CUX1: variants seen among roughly 807,000 people sequenced by gnomAD.
CUX1 encodes cut like homeobox 1, also known as protein CASP.
In CUX1, 31 loss-of-function variants were observed where a neutral mutation model predicts 158.8. That is an observed-to-expected ratio of 0.20 (90% CI 0.15 to 0.26). The LOEUF (loss-of-function observed/expected upper bound fraction) is 0.26, where lower values mean the gene tolerates loss of function less well. Ranked by LOEUF, CUX1 falls within the 10% of genes least tolerant of loss-of-function variation. CUX1 has a pLI of 1.00. For missense variants in CUX1, 1,589 were observed against 2,014.6 expected (o/e 0.79, Z 4.04); for synonymous variants, 879 against 862.1 (o/e 1.02, Z -0.34).
intron 3 of CUX1, among the ~76,000 whole-genome samples, chr7:102,063,582 G>A (rs1207139529): frequency 1.3e-5 from 2 of 151,832 alleles, no homozygotes; most frequent in South Asian, 2.1e-4. Flanking sequence ...CAAGAGAGAC[G>A]AGGTTTCACC....
At chr7:101,826,400 C>T (rs1040068095) in intron 1 of CUX1, among the ~76,000 whole-genome samples, 3 of 151,908 alleles carry the variant, frequency 2.0e-5, no homozygotes, top group African/African-American at 4.8e-5. Context: ...CAGGGTTTTG[C>T]CCTGTTCCCC....
At chr7:101,913,509 GC>G in intron 1 of CUX1, 1 of 859,584 alleles carries the variant, frequency 1.2e-6, no homozygotes, top group Non-Finnish European at 1.5e-6. Flanking sequence ...TGACAGATCA[GC>G]CCAGGGAGGG....
intron 2 of CUX1, among the ~76,000 whole-genome samples, chr7:101,952,964 C>T (rs1585077849): frequency 6.6e-6 from 1 of 152,212 alleles, no homozygotes; most frequent in Admixed American, 6.5e-5. Flanking sequence ...GAAATAGACA[C>T]CTCCGAAATG....
chr7:102,203,754 T>C (rs782285524), intron 18 of CUX1, among the ~76,000 whole-genome samples: 1 of 152,054 alleles, frequency 6.6e-6, no homozygotes, highest in Non-Finnish European at 1.5e-5. Context: ...CCTATACATA[T>C]GTATGGCCAT....
In CUX1 at chr7:102,077,037, A is replaced by T. The variant is rs568947546; in HGVS notation, c.268+6620A>T. On this transcript the variant is annotated intron_variant, in intron 4 of 23. Transcript: ENST00000292535. ...TGACAGAGTGGGACCCTGTCAAATT[A>T]AAAAAAAAAAAAAATTAGAAAAAAG... 4.3e-4 allele frequency among the ~76,000 whole-genome samples: 45 copies of T among 104,936 alleles called. 1 individual carries two copies. In the South Asian group the frequency reaches 0.012, roughly 28 times the overall value. 68.8% of individuals were successfully genotyped at this position (104,936 alleles called of 152,430 possible).
chr7:102,056,456 T>C (rs436483), intron 3 of CUX1, among the ~76,000 whole-genome samples: 81,190 of 152,064 alleles, frequency 0.53, 24,017 homozygotes, highest in East Asian at 0.97. Context: ...AAGCTACACC[T>C]ACTCTGCCTG....
intron 9 of CUX1, among the ~76,000 whole-genome samples, chr7:102,167,922 A>G (rs963727550): frequency 1.2e-4 from 18 of 152,110 alleles, no homozygotes; most frequent in African/African-American, 4.3e-4. Flanking sequence ...TACAAAAAAT[A>G]TAAAAATGAG....
At chr7:101,829,349 A>G (rs574018638) in intron 1 of CUX1, among the ~76,000 whole-genome samples, 3 of 152,058 alleles carry the variant, frequency 2.0e-5, no homozygotes, top group South Asian at 4.2e-4. Flanking sequence ...TTGTATTTTT[A>G]TGTTTTTGTG....
Position 101,986,947 on chromosome 7 carries a change from G to A in CUX1, c.142-41151G>A, listed in dbSNP as rs117342143. On this transcript the variant is annotated intron_variant, in intron 2 of 23. Transcript: ENST00000292535. ...CTGCCCTGGAAGCCGTGGGGATGTG[G>A]TCCTAGCCTGTGCTCCTGCCTCGCT... Among the ~76,000 whole-genome samples the A allele has an allele frequency of 5.5e-4, 84 of 152,176 alleles. 2 individuals carry two copies. In the South Asian group the frequency reaches 8.5e-3, roughly 15 times the overall value.
intron 1 of CUX1, among the ~76,000 whole-genome samples, chr7:101,915,418 C>T (rs753890508): frequency 5.3e-5 from 8 of 152,150 alleles, no homozygotes; most frequent in Non-Finnish European, 8.8e-5. Context: ...TCAGCGTTCC[C>T]GCGCAAGTAA....
chr7:101,959,238 AGTGTGTGT>A (rs55733311), intron 2 of CUX1, among the ~76,000 whole-genome samples: 1,506 of 145,786 alleles, frequency 0.01, 10 homozygotes, highest in Middle Eastern at 0.018. Flanking sequence ...ATGTGTGTGC[AGTGTGTGT>A]GTGTGTGTGT....
At chr7:102,060,206 A>AG (rs1318849960) in intron 3 of CUX1, among the ~76,000 whole-genome samples, 6 of 149,414 alleles carry the variant, frequency 4.0e-5, no homozygotes, top group Non-Finnish European at 6.0e-5. Flanking sequence ...TGAACCTGGG[A>AG]GGCGGAGCTT....
chr7:101,947,595 C>G (rs936187920), intron 2 of CUX1, among the ~76,000 whole-genome samples: 2 of 152,102 alleles, frequency 1.3e-5, no homozygotes, highest in African/African-American at 4.8e-5. Flanking sequence ...CATCTTAAAT[C>G]TCAAAGTGCA....
chr7:102,127,510 C>T lies in CUX1; in HGVS notation c.674+12237C>T, dbSNP rs117086034. 3.8e-3 allele frequency among the ~76,000 whole-genome samples: 574 copies of T among 152,180 alleles called. 2 individuals are homozygous for T. The highest frequency in any genetic ancestry group is 6.6e-3 in the Non-Finnish European group (449 of 68,020). On this transcript the variant is annotated intron_variant, in intron 8 of 23. Transcript: ENST00000292535. ...AGGCATGAGCTGCTTCGCCCAAACT[C>T]GTCTGTTTTTTACCAGTGGCATAGA... is the stretch of plus-strand genomic sequence containing the variant.
intron 2 of CUX1, chr7:101,959,340 CT>C (rs1810176308): frequency 6.6e-6 from 1 of 151,852 alleles, no homozygotes; most frequent in Admixed American, 6.6e-5. Context: ...GCCAATACTC[CT>C]CTCCCCTTTT....
chr7:101,956,284 G>A (rs146332547), intron 2 of CUX1, among the ~76,000 whole-genome samples: 160 of 152,152 alleles, frequency 1.1e-3, no homozygotes, highest in Non-Finnish European at 1.8e-3. Context: ...GTTAAACAGC[G>A]GCCTCTCCGG....
intron 2 of CUX1, among the ~76,000 whole-genome samples, chr7:101,981,190 G>T (rs1288248330): frequency 6.6e-6 from 1 of 151,832 alleles, no homozygotes; most frequent in Non-Finnish European, 1.5e-5. Flanking sequence ...TGTGTCCCCG[G>T]CCCCCTCCTC....
intron 1 of CUX1, among the ~76,000 whole-genome samples, chr7:101,840,030 G>A (rs1468580454): frequency 6.6e-6 from 1 of 152,160 alleles, no homozygotes; most frequent in Admixed American, 6.5e-5. Flanking sequence ...TCAAAGTGCT[G>A]GGATTAGAGG....
intron 2 of CUX1, among the ~76,000 whole-genome samples, chr7:102,001,544 A>G (rs1816691251): frequency 6.6e-6 from 1 of 151,960 alleles, no homozygotes; most frequent in African/African-American, 2.4e-5. Flanking sequence ...GGGTTTCACC[A>G]TGTTGGCCAG....
Sources: allele counts gnomAD v4.1 joint callset (sites outside exome capture counted in the v4.1 genomes callset), GRCh38; gene constraint gnomAD v4.1.1; transcripts MANE v1.5; gene names NCBI Gene and HGNC (gene_info 2026-07-23, HGNC 2026-07-21).